The following DNAH17 variants were observed in gnomAD, a reference collection of about 807,000 sequenced individuals.
DNAH17 encodes the protein dynein axonemal heavy chain 17, also known as axonemal beta dynein heavy chain 17.
In DNAH17, 376 loss-of-function variants were observed where a neutral mutation model predicts 485.6. That is an observed-to-expected ratio of 0.77 (90% CI 0.71 to 0.84). The LOEUF (loss-of-function observed/expected upper bound fraction) is 0.84. Ranked by LOEUF, DNAH17 falls within the 40% of genes least tolerant of loss-of-function variation. DNAH17 has a pLI of 0.00. For synonymous variants in DNAH17, 3,031 were observed against 2,405.9 expected (o/e 1.26, Z -7.60); for missense variants, 6,370 against 5,839.3 (o/e 1.09, Z -2.96).
At chr17:78,569,583 T>C in intron 7 of DNAH17, 56 bp from the exon 8 acceptor site, 9 of 1,552,678 alleles carry the variant, frequency 5.8e-6, no homozygotes, top group Non-Finnish European at 7.8e-6. Flanking sequence ...TGGGGTGACG[T>C]CCAGGCACGC....
At position 78,454,694 on chromosome 17, in the gene DNAH17, C is replaced by G. The variant is rs528805615; in HGVS notation, c.10182G>C (p.Pro3394=). 3 of 1,611,872 alleles carry G rather than the reference C, an allele frequency of 1.9e-6. No homozygotes were observed. The African/African-American group carries it at 4.0e-5, about 22-fold the overall frequency. Residue 3394 remains proline (P), a synonymous_variant, in exon 64 of 81, where the codon CCG becomes CCC. Transcript: ENST00000389840. ...PYIHNLKVPI[P]ITNGLDPLSL... ...TCAAGGGATCCAGGCCATTCGTGAT[C>G]GGGATGGGGACCTGCCCAGGGAGGC...
At position 78,490,773 on chromosome 17, in the gene DNAH17, C is replaced by T; in HGVS notation, c.6744G>A (p.Leu2248=). ...TMRLVFEISH[L]RTATPATVSR... ...AAACGGTGGCTGGGGTGGCCGTCCT[C>T]AGGTGGCTGATTTCGAACACCAGCC... Residue 2248 remains leucine (L), a synonymous_variant, in exon 44 of 81, where the codon CTG becomes CTA. Coordinates refer to ENST00000389840, the MANE Select transcript of DNAH17 (RefSeq NM_173628.4). 1 of 1,605,464 alleles carries T rather than the reference C, an allele frequency of 6.2e-7. No homozygotes were observed. Among genetic ancestry groups the T allele is most frequent in the Non-Finnish European group, 8.5e-7 (1 of 1,176,258 alleles).
chr17:78,460,098 A>G, intron 59 of DNAH17, 64 bp downstream of exon 59: 19 of 1,581,760 alleles, frequency 1.2e-5, no homozygotes, highest in Non-Finnish European at 1.6e-5. Flanking sequence ...CACCCACGCC[A>G]ACAGCGAAGG....
Position 78,476,829 on chromosome 17 carries a change from G to T in DNAH17, c.7993-96C>A, listed in dbSNP as rs2089050674. 14 of 1,424,804 alleles carry T rather than the reference G, an allele frequency of 9.8e-6. No individual in the cohort carries two copies. In the South Asian group the frequency reaches 2.0e-4, roughly 20 times the overall value. 88.3% of individuals were successfully genotyped at this position (1,424,804 alleles called of 1,614,324 possible). The stretch of plus-strand genomic sequence containing the variant: ...CCCTGAGGAGCAGCCCCCTCCCCCG[G>T]GGCGAGGGGACCTGTTCAGCTGTTG... On this transcript the variant is annotated intron_variant, in intron 51 of 80. Coordinates refer to ENST00000389840, the MANE Select transcript of DNAH17 (RefSeq NM_173628.4).
intron 6 of DNAH17, 46 bp from the exon 7 acceptor site, chr17:78,570,418 C>T (rs775441087): frequency 5.1e-6 from 8 of 1,581,138 alleles, no homozygotes; most frequent in African/African-American, 1.3e-5. Context: ...CTGGCCGCTG[C>T]ACCTTATCCC....
intron 74 of DNAH17, among the ~76,000 whole-genome samples, chr17:78,436,654 G>A (rs1419940721): frequency 2.0e-5 from 3 of 152,024 alleles, no homozygotes; most frequent in Non-Finnish European, 4.4e-5. Context: ...GACCAGCCTG[G>A]CCAACATAGC....
intron 3 of DNAH17, among the ~76,000 whole-genome samples, chr17:78,572,288 C>T (rs998753847): frequency 2.6e-4 from 39 of 152,026 alleles, no homozygotes; most frequent in African/African-American, 9.2e-4. Flanking sequence ...GCAGCCTCTA[C>T]ACAGACTTGC....
intron 35 of DNAH17, chr17:78,500,905 T>C (rs1598596933): frequency 3.3e-6 from 1 of 298,976 alleles, no homozygotes; most frequent in South Asian, 1.2e-4. Flanking sequence ...TTCAGGGAGG[T>C]GGGCACTGCT....
chr17:78,476,548 G>A (rs1394253647), intron 52 of DNAH17, 24 bp downstream of exon 52: 4 of 1,598,516 alleles, frequency 2.5e-6, no homozygotes, highest in Admixed American at 1.7e-5. Flanking sequence ...GGGCTCGGCA[G>A]AGGGACTGGG....
chr17:78,453,829 A>AG (rs2087662987), intron 64 of DNAH17, among the ~76,000 whole-genome samples: 2 of 152,144 alleles, frequency 1.3e-5, no homozygotes, highest in South Asian at 4.1e-4. Flanking sequence ...CTGGGACTAC[A>AG]GGCTCATGCC....
chr17:78,428,349 A>ACCTGCTGACCAG, intron 77 of DNAH17, 176 bp downstream of exon 77: 1 of 736,532 alleles, frequency 1.4e-6, no homozygotes, highest in South Asian at 1.7e-5. Context: ...ACGTCTGAGG[A>ACCTGCTGACCAG]CCTGCTGACC....
chr17:78,438,167 T>C (rs942731290), intron 73 of DNAH17, among the ~76,000 whole-genome samples: 1 of 151,750 alleles, frequency 6.6e-6, no homozygotes, highest in Non-Finnish European at 1.5e-5. Flanking sequence ...GCTGAGATTC[T>C]GTGGTCCCCA....
chr17:78,498,011 G>A (rs1342956859), intron 37 of DNAH17, among the ~76,000 whole-genome samples: 1 of 152,048 alleles, frequency 6.6e-6, no homozygotes, highest in Non-Finnish European at 1.5e-5. Flanking sequence ...GCGTGGTGGT[G>A]CACGCCTGCA....
In DNAH17 at chr17:78,561,961, C is replaced by T. The variant is rs1040610208; in HGVS notation, c.1589G>A (p.Gly530Asp). The change falls in exon 12 of 81, where the codon GGC (glycine) becomes GAC (aspartate). Residue 530 changes from glycine to aspartate, a missense_variant. Coordinates refer to ENST00000389840, the MANE Select transcript of DNAH17 (RefSeq NM_173628.4). ...AAGAATCAGGGGCCGCTCCATGAGGCCCCCACACATGTACAGGAGCTGAGG... is the reference window on the plus strand; with the variant it reads ...AAGAATCAGGGGCCGCTCCATGAGGTCCCCACACATGTACAGGAGCTGAGG... Reference protein sequence around the residue: ...SSAKLLYMCGGLMERPLILAE... With the variant: ...SSAKLLYMCGDLMERPLILAE... 4.4e-6 allele frequency: 7 copies of T among 1,607,550 alleles called. No homozygotes were observed. The East Asian group carries it at 1.1e-4, about 26-fold the overall frequency.
At position 78,479,543 on chromosome 17, in the gene DNAH17, G is replaced by T. The variant is rs755417640; in HGVS notation, c.7842C>A (p.Phe2614Leu). The change falls in exon 50 of 81, where the codon TTC (phenylalanine) becomes TTA (leucine). Residue 2614 changes from phenylalanine (F) to leucine (L), a missense_variant. Phe to Leu is a conservative substitution (Grantham distance 22). Coordinates refer to ENST00000389840, the MANE Select transcript of DNAH17 (RefSeq NM_173628.4). ...TCTGGATAGCCATGGAGACCGAGCG[G>T]AAGGCCAGGTGCTGCGTCAGGATTG... ...YNTILTQHLA[F>L]RSVSMAIQRI... The T allele has an allele frequency of 4.3e-6, 7 of 1,613,572 alleles. No homozygotes were observed. The African/African-American group carries it at 8.0e-5, about 18-fold the overall frequency.
chr17:78,576,945 G>A lies in DNAH17; in HGVS notation c.-26+350C>T, dbSNP rs549491052. On this transcript the variant is annotated intron_variant, in intron 1 of 80. Transcript: ENST00000389840. The stretch of plus-strand genomic sequence containing the variant: ...TAGGGTTGTCCCAGGCCATGCTTCC[G>A]GAGGGGCAGAGACGGCTTCTCTGGG... 1.8e-3 allele frequency among the ~76,000 whole-genome samples: 274 copies of A among 152,300 alleles called. 2 individuals carry two copies. The highest frequency in any genetic ancestry group is 5.9e-3 in the African/African-American group (245 of 41,570).
intron 7 of DNAH17, 58 bp downstream of exon 7, chr17:78,570,189 G>GGGGAGGGGACCCAGCC: frequency 6.6e-7 from 1 of 1,514,662 alleles, no homozygotes; most frequent in Non-Finnish European, 8.9e-7. Flanking sequence ...ACAGTGAACC[G>GGGGAGGGGACCCAGCC]GGGAGGGGAC....
In DNAH17 at chr17:78,423,819, C is replaced by T. The variant is rs937678019; in HGVS notation, c.*87G>A. 25 of 1,507,932 alleles carry T rather than the reference C, an allele frequency of 1.7e-5. No individual in the cohort carries two copies. Among genetic ancestry groups the T allele is most frequent in the Non-Finnish European group, 2.3e-5 (25 of 1,107,220 alleles). The allele number at this position is 1,507,932 out of a possible 1,614,324, so 93.4% of individuals were successfully genotyped here. A position where few individuals can be genotyped will look rare whatever the true frequency, so the allele number is the denominator to read the frequency against. ...AGAGAACGAAAAACCACCACCAGTT[C>T]CTGTAAAGAATAAGTCACAGGTGCA... On this transcript the variant is annotated 3_prime_UTR_variant, in exon 81 of 81. Transcript: ENST00000389840.
At chr17:78,553,283 G>GTTTTT (rs60587420) in intron 14 of DNAH17, among the ~76,000 whole-genome samples, 2 of 51,018 alleles carry the variant, frequency 3.9e-5, no homozygotes, top group Admixed American at 2.7e-4. Context: ...AGGTTTTTGT[G>GTTTTT]TTTTTTTTTT....
Sources: gnomAD v4.1 joint callset for allele counts (sites outside exome capture counted in the v4.1 genomes callset) on GRCh38, gnomAD v4.1.1 for gene constraint, MANE v1.5 for transcripts, NCBI Gene and HGNC (gene_info 2026-07-23, HGNC 2026-07-21) for gene names.